ADGRL2: variants seen among roughly 807,000 people sequenced by gnomAD.
The protein encoded by ADGRL2 is adhesion G protein-coupled receptor L2, also known as calcium-independent alpha-latrotoxin receptor 2.
Under a neutral mutation model 157.4 loss-of-function variants are expected in ADGRL2, and 44 were observed. The ratio of observed to expected loss-of-function variants is 0.28; its 90% confidence interval spans 0.22 to 0.36. The LOEUF (loss-of-function observed/expected upper bound fraction) is 0.36, where lower values mean the gene tolerates loss of function less well. Among genes scored for constraint, ADGRL2 ranks in the 10% least tolerant of loss-of-function variants. The probability of loss-of-function intolerance (pLI) is 1.00; values close to 1 mark genes in which losing one functional copy is unlikely to be tolerated. For missense variants in ADGRL2, 1,510 were observed against 1,768.9 expected, an observed-to-expected ratio of 0.85 and a Z score of 2.63; for synonymous variants, 585 against 624.7, an observed-to-expected ratio of 0.94 and a Z score of 0.95.
intron 2 of ADGRL2, among the ~76,000 whole-genome samples, chr1:81,483,789 T>C (rs1156279317): frequency 6.6e-6 from 1 of 152,174 alleles, no homozygotes; most frequent in African/African-American, 2.4e-5. Flanking sequence ...CATAAAACTT[T>C]TAATAGACAT....
intron 2 of ADGRL2, among the ~76,000 whole-genome samples, chr1:81,884,899 A>G (rs1174891608): frequency 1.3e-5 from 2 of 152,220 alleles, no homozygotes; most frequent in Non-Finnish European, 2.9e-5. Context: ...TAATTGAGTG[A>G]TCTGTAAAAG....
At chr1:81,753,107 A>G (rs2085542282) in intron 1 of ADGRL2, among the ~76,000 whole-genome samples, 1 of 152,172 alleles carries the variant, frequency 6.6e-6, no homozygotes, top group African/African-American at 2.4e-5. Flanking sequence ...CATGTTATCA[A>G]TATCTAGGTG....
chr1:81,321,376 A>G (rs1299921557), intron 1 of ADGRL2, among the ~76,000 whole-genome samples: 1 of 152,188 alleles, frequency 6.6e-6, no homozygotes, highest in Non-Finnish European at 1.5e-5. Context: ...TGCATTCCCA[A>G]GTTGGCTAAC....
intron 1 of ADGRL2, among the ~76,000 whole-genome samples, chr1:81,410,754 G>A (rs558174705): frequency 2.6e-5 from 4 of 152,214 alleles, no homozygotes; most frequent in African/African-American, 4.8e-5. Flanking sequence ...TGATGGGTTC[G>A]GTGCTCAGCC....
At chr1:81,754,260 G>T (rs1020523922) in intron 1 of ADGRL2, among the ~76,000 whole-genome samples, 1 of 129,158 alleles carries the variant, frequency 7.7e-6, no homozygotes, top group Admixed American at 9.0e-5. Flanking sequence ...ACACAGTGTA[G>T]TAGGTTCAAA....
At chr1:81,382,593 G>A (rs1454695767) in intron 1 of ADGRL2, among the ~76,000 whole-genome samples, 1 of 152,154 alleles carries the variant, frequency 6.6e-6, no homozygotes, top group African/African-American at 2.4e-5. Context: ...ATGGAGGGGT[G>A]GGGGAAGCAG....
chr1:81,378,966 ATT>A (rs1406463471), intron 1 of ADGRL2, among the ~76,000 whole-genome samples: 2 of 152,158 alleles, frequency 1.3e-5, no homozygotes, highest in Non-Finnish European at 2.9e-5. Flanking sequence ...GAAAGATGAT[ATT>A]TGATTGCCAT....
intron 2 of ADGRL2, among the ~76,000 whole-genome samples, chr1:81,452,550 A>G (rs2077721387): frequency 6.6e-6 from 1 of 152,222 alleles, no homozygotes; most frequent in African/African-American, 2.4e-5. Context: ...AGGACTACTG[A>G]CTTGTAAGGG....
chr1:81,310,002 CT>C (rs1659633067), intron 1 of ADGRL2, among the ~76,000 whole-genome samples: 1 of 152,050 alleles, frequency 6.6e-6, no homozygotes, highest in South Asian at 2.1e-4. Flanking sequence ...TTTTTTCTGT[CT>C]TGTCATACCT....
Position 81,661,239 on chromosome 1 carries a change from C to T in ADGRL2, c.-143+80259C>T, listed in dbSNP as rs1218983106. Reference sequence around the variant, plus strand: ...CTAGGAAATTAACAAGTGATACTATCACCTTTGTAACAATGAGAAAATGAA... The same window carrying T: ...CTAGGAAATTAACAAGTGATACTATTACCTTTGTAACAATGAGAAAATGAA... On this transcript the variant is annotated intron_variant, in intron 3 of 24. Transcript: ENST00000370721. 2.0e-5 allele frequency among the ~76,000 whole-genome samples: 3 copies of T among 152,062 alleles called. No individual in the cohort carries two copies. The East Asian group carries it at 5.8e-4, about 29-fold the overall frequency.
At chr1:81,540,861 C>A (rs2079866081) in intron 2 of ADGRL2, among the ~76,000 whole-genome samples, 1 of 151,662 alleles carries the variant, frequency 6.6e-6, no homozygotes, top group Non-Finnish European at 1.5e-5. Context: ...AGCAGAGAGA[C>A]CAATAATCCA....
At chr1:81,815,346 G>C (rs2090290875) in intron 1 of ADGRL2, among the ~76,000 whole-genome samples, 1 of 151,774 alleles carries the variant, frequency 6.6e-6, no homozygotes, top group African/African-American at 2.4e-5. Context: ...ATTTGACAGA[G>C]CATCATGCTG....
upstream of ADGRL2, among the ~76,000 whole-genome samples, chr1:81,697,278 A>G (rs1028458778): frequency 6.6e-6 from 1 of 152,200 alleles, no homozygotes; most frequent in African/African-American, 2.4e-5. Context: ...AAAATTATCT[A>G]TGTCATAAGG....
At chr1:81,569,728 T>G (rs577531345) in intron 2 of ADGRL2, among the ~76,000 whole-genome samples, 1 of 152,256 alleles carries the variant, frequency 6.6e-6, no homozygotes, top group African/African-American at 2.4e-5. Context: ...GAGGATTGCT[T>G]AAGTCTGTGA....
At chr1:81,517,092 G>C (rs1426432357) in intron 2 of ADGRL2, among the ~76,000 whole-genome samples, 2 of 152,110 alleles carry the variant, frequency 1.3e-5, no homozygotes, top group Non-Finnish European at 2.9e-5. Flanking sequence ...AACAAAAAAA[G>C]AGTAGCTTAA....
intron 2 of ADGRL2, among the ~76,000 whole-genome samples, chr1:81,777,373 T>C (rs922444211): frequency 6.6e-6 from 1 of 152,210 alleles, no homozygotes; most frequent in African/African-American, 2.4e-5. Flanking sequence ...AAGTCACATA[T>C]CCCTTAAACT....
chr1:81,893,683 G>A (rs2094320654), intron 2 of ADGRL2, among the ~76,000 whole-genome samples: 1 of 152,100 alleles, frequency 6.6e-6, no homozygotes, highest in South Asian at 2.1e-4. Flanking sequence ...CTGTTCCTTA[G>A]TTCCCTTGAT....
intron 3 of ADGRL2, among the ~76,000 whole-genome samples, chr1:81,927,339 T>A (rs1270335278): frequency 6.6e-6 from 1 of 151,990 alleles, no homozygotes; most frequent in African/African-American, 2.4e-5. Context: ...CAGAAAAACA[T>A]TTTGCATTTT....
At chr1:81,800,580 G>C (rs1447429489), upstream of ADGRL2, 2 of 152,206 alleles carry the variant, frequency 1.3e-5, no homozygotes, top group South Asian at 4.1e-4. Flanking sequence ...TGGGCCTAGA[G>C]GGGAGGGGGC....
Sources: allele counts gnomAD v4.1 joint callset (sites outside exome capture counted in the v4.1 genomes callset), GRCh38; gene constraint gnomAD v4.1.1; transcripts MANE v1.5; gene names NCBI Gene and HGNC (gene_info 2026-07-23, HGNC 2026-07-21).